The following ASB11 variants were observed in gnomAD, a reference collection of about 807,000 sequenced individuals.
The protein encoded by ASB11 is ankyrin repeat and SOCS box protein 11.
In ASB11, 17 loss-of-function variants were observed where a neutral mutation model predicts 20.1. That is an observed-to-expected ratio of 0.85 (90% CI 0.58 to 1.27). ASB11 has a LOEUF of 1.27. ASB11 is among the 50% of genes most tolerant of loss of function. The probability of loss-of-function intolerance (pLI) is 0.00; values close to 1 mark genes in which losing one functional copy is unlikely to be tolerated. For missense variants in ASB11, 259 were observed against 256.9 expected (o/e 1.01, Z -0.06); for synonymous variants, 107 against 105.6 (o/e 1.01, Z -0.08).
At chrX:15,293,087 G>C (rs1442110339) in intron 4 of ASB11, 83 bp downstream of exon 4, 1 of 1,096,432 alleles carries the variant, frequency 9.1e-7, no homozygotes, top group African/African-American at 1.8e-5. Context: ...GGTCACCCTT[G>C]AATGACTAAC....
At chrX:15,295,845 C>T (rs1192509026) in intron 3 of ASB11, among the ~76,000 whole-genome samples, 1 of 112,269 alleles carries the variant, frequency 8.9e-6, no homozygotes, top group Non-Finnish European at 1.9e-5. Flanking sequence ...CCTGTGACTC[C>T]AGTCATCTAG....
chrX:15,314,314 T>G, intron 1 of ASB11: 6 of 1,096,094 alleles, frequency 5.5e-6, no homozygotes, highest in Non-Finnish European at 7.1e-6. Context: ...AACTTGAAAC[T>G]TATCAGAAGC....
intron 1 of ASB11, among the ~76,000 whole-genome samples, chrX:15,303,488 C>G (rs1921139403): frequency 6.2e-5 from 7 of 112,071 alleles, no homozygotes; most frequent in Middle Eastern, 4.6e-3. Context: ...CCCAAATTCT[C>G]TAGGTAATTT....
intron 1 of ASB11, among the ~76,000 whole-genome samples, chrX:15,312,819 T>C (rs901135035): frequency 5.8e-4 from 53 of 91,579 alleles, no homozygotes; most frequent in Non-Finnish European, 9.7e-4. Context: ...AAAATTTTGT[T>C]CTTGATTTTT....
At chrX:15,299,108 C>A (rs5934233) in intron 2 of ASB11, among the ~76,000 whole-genome samples, 1 of 111,120 alleles carries the variant, frequency 9.0e-6, no homozygotes, top group South Asian at 3.8e-4. Context: ...TTCCCTCCCT[C>A]TGATGATCAC....
intron 1 of ASB11, among the ~76,000 whole-genome samples, chrX:15,307,621 T>C (rs1921286877): frequency 8.9e-6 from 1 of 112,090 alleles, no homozygotes; most frequent in African/African-American, 3.2e-5. Context: ...GGCCATGGAC[T>C]GGTACTGGTC....
Position 15,283,563 on chromosome X carries a change from T to C in ASB11, c.914A>G (p.Gln305Arg). The C allele has an allele frequency of 8.3e-7, 1 of 1,210,135 alleles. No homozygotes were observed. Among genetic ancestry groups the C allele is most frequent in the Non-Finnish European group, 1.1e-6 (1 of 894,358 alleles). Residue 305 changes from glutamine (Q) to arginine (R), a missense_variant, in exon 7 of 7, where the codon CAA becomes CGA. Transcript: ENST00000480796. ...TGGCAGATGTAGCTTGTGGATGGCTTGATGACATGCTCGACCGAGACACTT... is the reference window on the plus strand; with the variant it reads ...TGGCAGATGTAGCTTGTGGATGGCTCGATGACATGCTCGACCGAGACACTT... ...VRKCLGRACH[Q>R]AIHKLHLPEP...
In ASB11 at chrX:15,288,021, G is replaced by A. The variant is rs775137827; in HGVS notation, c.707C>T (p.Ala236Val). The A allele has an allele frequency of 5.0e-6, 6 of 1,210,388 alleles. No individual in the cohort carries two copies. The highest frequency in any genetic ancestry group is 3.5e-5 in the South Asian group (2 of 56,775). Residue 236 changes from alanine (A) to valine (V), a missense_variant, in exon 6 of 7, where the codon GCG becomes GTG. Physicochemically the swap from Ala to Val is moderately conservative, Grantham distance 64. Transcript: ENST00000480796. ...QWLDTPLHAA[A>V]RQSNVEVIHL... The stretch of plus-strand genomic sequence containing the variant: ...GATGACCTCCACATTGGACTGCCTC[G>A]CTGCAGCATGGAGTGGGGTGTCCAG...
intron 4 of ASB11, 55 bp from the exon 5 acceptor site, chrX:15,289,693 G>A (rs750601966): frequency 9.0e-5 from 103 of 1,144,340 alleles, no homozygotes; most frequent in Non-Finnish European, 1.2e-4. Context: ...AATATTAACA[G>A]AATTATAGGA....
At chrX:15,314,738 A>ACACTTATCC (rs1921559236) in intron 1 of ASB11, among the ~76,000 whole-genome samples, 1 of 109,580 alleles carries the variant, frequency 9.1e-6, no homozygotes, top group African/African-American at 3.3e-5. Context: ...CCCAGGAGTG[A>ACACTTATCC]CAGGGATATC....
At chrX:15,304,330 C>A (rs908006044) in intron 1 of ASB11, among the ~76,000 whole-genome samples, 3 of 112,546 alleles carry the variant, frequency 2.7e-5, no homozygotes, top group African/African-American at 9.7e-5. Flanking sequence ...ACTTCTCTCA[C>A]CCTTTGGGTT....
chrX:15,285,594 C>A (rs1278679294), intron 6 of ASB11, among the ~76,000 whole-genome samples: 2 of 112,131 alleles, frequency 1.8e-5, no homozygotes, highest in Non-Finnish European at 1.9e-5. Context: ...AAACTATAGT[C>A]TCTGCTAACA....
intron 1 of ASB11, among the ~76,000 whole-genome samples, chrX:15,313,507 A>G (rs1432971095): frequency 9.0e-6 from 1 of 111,656 alleles, no homozygotes; most frequent in Non-Finnish European, 1.9e-5. Context: ...ACATATATAT[A>G]TGAAAGAAAT....
chrX:15,286,319 T>C (rs1927383610), intron 6 of ASB11, among the ~76,000 whole-genome samples: 1 of 110,663 alleles, frequency 9.0e-6, no homozygotes, highest in Admixed American at 9.7e-5. Flanking sequence ...AATAAGACCC[T>C]CCTCACTGAA....
chrX:15,292,365 T>C (rs1435939526), intron 4 of ASB11, among the ~76,000 whole-genome samples: 1 of 112,087 alleles, frequency 8.9e-6, no homozygotes, highest in Non-Finnish European at 1.9e-5. Flanking sequence ...AACTTCACCA[T>C]TGTATTTCTG....
chrX:15,289,541 G>T lies in ASB11; in HGVS notation c.618C>A (p.Tyr206Ter), dbSNP rs147170563. 8.3e-7 allele frequency: 1 copy of T among 1,208,504 alleles called. No individual in the cohort carries two copies. Among genetic ancestry groups the T allele is most frequent in the Admixed American group, 2.2e-5 (1 of 45,831 alleles). ...GTTTCTTCACACAGTCTACCCTCTG[G>T]TAGGTGCAGGCCACATATAGGGGAG... The part of the protein sequence containing the change: ...LGTPLYVACT[Y>*]QRVDCVKKLL... The change falls in exon 5 of 7, where the codon TAC becomes TAA. Residue 206 changes from tyrosine (Y) to a stop codon, truncating the protein, a stop_gained. Transcript: ENST00000480796. LOFTEE classifies it high-confidence loss of function.
intron 6 of ASB11, among the ~76,000 whole-genome samples, chrX:15,284,269 A>G (rs976190046): frequency 1.9e-5 from 2 of 107,521 alleles, no homozygotes; most frequent in African/African-American, 6.9e-5. Flanking sequence ...AAAAAAAAAA[A>G]AGAAAGAAAG....
At chrX:15,287,240 A>G (rs1402415748) in intron 6 of ASB11, among the ~76,000 whole-genome samples, 1 of 112,986 alleles carries the variant, frequency 8.9e-6, no homozygotes, top group African/African-American at 3.2e-5. Context: ...TCCCAATATT[A>G]CAAAGCAGAG....
chrX:15,304,797 C>G, intron 1 of ASB11, among the ~76,000 whole-genome samples: 1 of 111,840 alleles, frequency 8.9e-6, no homozygotes, highest in Non-Finnish European at 1.9e-5. Flanking sequence ...ATCGCTTGAA[C>G]CCGGGAGGCA....
Sources: allele counts gnomAD v4.1 joint callset (sites outside exome capture counted in the v4.1 genomes callset), GRCh38; gene constraint gnomAD v4.1.1; transcripts MANE v1.5; gene names NCBI Gene and HGNC (gene_info 2026-07-23, HGNC 2026-07-21).